NEAT1: variants seen among roughly 807,000 people sequenced by gnomAD.
NEAT1 encodes nuclear paraspeckle assembly transcript 1, also known as MENepsilon/beta.
chr11:65,445,204 A>AGGGCCAGCACCTTCTCACCT (rs1422158152), exon 1 of NEAT1: 1 of 152,234 alleles, frequency 6.6e-6, no homozygotes, highest in African/African-American at 2.4e-5. Flanking sequence ...GGAGAGCTGA[A>AGGGCCAGCACCTTCTCACCT]GGGCCAGCAC....
chr11:65,429,491 T>C (rs1431638029), exon 1 of NEAT1: 1 of 106,650 alleles, frequency 9.4e-6, no homozygotes, highest in African/African-American at 3.1e-5. Context: ...GGTGTGTGTG[T>C]GTGTGCGTGT....
chr11:65,429,324 GCAAACC>G (rs1856592082), exon 1 of NEAT1: 1 of 152,182 alleles, frequency 6.6e-6, no homozygotes, highest in African/African-American at 2.4e-5. Context: ...CACTGGTGAG[GCAAACC>G]TGATGCCTTC....
At chr11:65,437,834 G>A (rs1230635764) in exon 1 of NEAT1, 1 of 152,046 alleles carries the variant, frequency 6.6e-6, no homozygotes. Context: ...TCTGCCTAAT[G>A]GTTACTTGAT....
rs555328710 is a variant in NEAT1 at position 65,434,906 on chromosome 11, C to T, written n.12109C>T. On this transcript the variant is annotated non_coding_transcript_exon_variant, in exon 1 of 1. Coordinates refer to ENST00000501122, the Ensembl canonical transcript of NEAT1. ...AAGACTGTAATTGGTACAGTAGATT[C>T]TTGTCATCTGTGTGTGAATTTAGCA... The T allele has an allele frequency of 3.3e-5, 5 of 152,316 alleles. No individual in the cohort carries two copies. The East Asian group carries it at 5.8e-4, about 18-fold the overall frequency. 9.4% of individuals were successfully genotyped at this position (152,316 alleles called of 1,614,324 possible). A position where few individuals can be genotyped will look rare whatever the true frequency, so the allele number is the denominator to read the frequency against.
At position 65,438,705 on chromosome 11, in the gene NEAT1, T is replaced by C. The variant is rs1366738696; in HGVS notation, n.15908T>C. ...AGCGGGTTTTCAGGGTTCATTCATGTTGCAGCATATAACAGTACTGCGTTC... is the reference window on the plus strand; with the variant it reads ...AGCGGGTTTTCAGGGTTCATTCATGCTGCAGCATATAACAGTACTGCGTTC... On this transcript the variant is annotated non_coding_transcript_exon_variant, in exon 1 of 1. Transcript: ENST00000501122. The C allele has an allele frequency of 3.9e-5, 6 of 152,350 alleles. No homozygotes were observed. The East Asian group carries it at 1.2e-3, about 29-fold the overall frequency. 9.4% of individuals were successfully genotyped at this position (152,350 alleles called of 1,614,324 possible).
At chr11:65,425,693 G>A (rs377408732) in exon 1 of NEAT1, 1 of 152,112 alleles carries the variant, frequency 6.6e-6, no homozygotes, top group Admixed American at 6.6e-5. Flanking sequence ...AATCATGAGC[G>A]AAGTGAAATT....
exon 1 of NEAT1, chr11:65,439,215 C>T (rs1856692502): frequency 6.6e-6 from 1 of 152,136 alleles, no homozygotes; most frequent in Non-Finnish European, 1.5e-5. Flanking sequence ...CCTTGGCCCA[C>T]TTTTTAATTA....
exon 1 of NEAT1, chr11:65,424,060 C>T (rs1020575924): frequency 1.3e-5 from 2 of 152,324 alleles, no homozygotes; most frequent in African/African-American, 4.8e-5. Context: ...GGAGAGAGCC[C>T]GCCTCAATTG....
chr11:65,428,839 A>G (rs561623049), exon 1 of NEAT1: 1 of 152,150 alleles, frequency 6.6e-6, no homozygotes, highest in Non-Finnish European at 1.5e-5. Context: ...ATATGTAAAA[A>G]AAAAAAGTTT....
exon 1 of NEAT1, chr11:65,427,718 T>C (rs1856575636): frequency 6.6e-6 from 1 of 152,200 alleles, no homozygotes. Flanking sequence ...CTTACCCCTT[T>C]GCTTTGCTTT....
chr11:65,442,512 T>G (rs1053313484), exon 1 of NEAT1: 8 of 152,224 alleles, frequency 5.3e-5, no homozygotes, highest in African/African-American at 1.9e-4. Context: ...AGGGCCAACT[T>G]CCAGGCCTGG....
rs71840262 is a variant in NEAT1 at position 65,437,195 on chromosome 11, G to GTATA, written n.14410_14413dup. ...TTTGCTCTTTAGTTTATATATATAT[G>GTATA]TATATATATATATATGTATATATAT... On this transcript the variant is annotated non_coding_transcript_exon_variant, in exon 1 of 1. Transcript: ENST00000501122. 1.9e-3 allele frequency: 248 copies of GTATA among 129,032 alleles called. 1 individual carries two copies. The highest frequency in any genetic ancestry group is 5.5e-3 in the African/African-American group (184 of 33,298). 8.0% of individuals were successfully genotyped at this position (129,032 alleles called of 1,614,324 possible). A position where few individuals can be genotyped will look rare whatever the true frequency, so the allele number is the denominator to read the frequency against.
chr11:65,439,161 G>C (rs1189070603), exon 1 of NEAT1: 1 of 152,202 alleles, frequency 6.6e-6, no homozygotes, highest in Non-Finnish European at 1.5e-5. Flanking sequence ...TGCTGGTGCT[G>C]TTGGCCATAT....
exon 1 of NEAT1, chr11:65,431,360 G>C (rs1301860667): frequency 1.3e-5 from 2 of 152,096 alleles, no homozygotes; most frequent in East Asian, 3.8e-4. Context: ...GTATTTACAA[G>C]TATAATGCTG....
chr11:65,442,624 T>A (rs1856725398), exon 1 of NEAT1: 1 of 151,150 alleles, frequency 6.6e-6, no homozygotes, highest in Non-Finnish European at 1.5e-5. Context: ...GGCTCACGCC[T>A]GAATCTTAGC....
chr11:65,443,544 T>C (rs1856733902), exon 1 of NEAT1: 1 of 152,248 alleles, frequency 6.6e-6, no homozygotes, highest in South Asian at 2.1e-4. Context: ...ATAATCCACC[T>C]GTTGTGGTTG....
exon 1 of NEAT1, chr11:65,423,746 C>T (rs1856527913): frequency 6.6e-6 from 1 of 152,248 alleles, no homozygotes; most frequent in Admixed American, 6.5e-5. Context: ...ACCTGGTCAT[C>T]TGGTAAGCCC....
chr11:65,433,005 G>T (rs1856626289), exon 1 of NEAT1: 2 of 146,020 alleles, frequency 1.4e-5, no homozygotes, highest in South Asian at 2.1e-4. Flanking sequence ...ATCCAAAATT[G>T]CTGCAAAAAA....
At chr11:65,441,051 C>T (rs1187451183) in exon 1 of NEAT1, 3 of 151,812 alleles carry the variant, frequency 2.0e-5, no homozygotes, top group South Asian at 4.2e-4. Context: ...TGACTTTGGC[C>T]AAATTTCTTA....
Sources: gnomAD v4.1 joint callset for allele counts on GRCh38, gnomAD v4.1.1 for gene constraint, MANE v1.5 for transcripts, NCBI Gene and HGNC (gene_info 2026-07-23, HGNC 2026-07-21) for gene names.